The following CACNA1C variants were observed in gnomAD, a reference collection of about 807,000 sequenced individuals.
CACNA1C encodes calcium voltage-gated channel subunit alpha1 C.
Under a neutral mutation model 229.0 loss-of-function variants are expected in CACNA1C, and 30 were observed. The observed-to-expected ratio is 0.13, with a 90% CI of 0.10 to 0.18. The LOEUF (loss-of-function observed/expected upper bound fraction) is 0.18. Ranked by LOEUF, CACNA1C falls within the 10% of genes least tolerant of loss-of-function variation. The probability of loss-of-function intolerance (pLI) is 1.00; values close to 1 mark genes in which losing one functional copy is unlikely to be tolerated. For synonymous variants in CACNA1C, 1,114 were observed against 1,132.5 expected (o/e 0.98, Z 0.33); for missense variants, 1,658 against 2,845.0 (o/e 0.58, Z 9.49).
chr12:2,384,901 A>G (rs993032141), intron 3 of CACNA1C, among the ~76,000 whole-genome samples: 1 of 152,234 alleles, frequency 6.6e-6, no homozygotes, highest in African/African-American at 2.4e-5. Flanking sequence ...GTAGTTATCC[A>G]GAAGGTACGT....
chr12:2,238,759 C>T (rs529921476), intron 3 of CACNA1C, among the ~76,000 whole-genome samples: 1 of 152,172 alleles, frequency 6.6e-6, no homozygotes, highest in African/African-American at 2.4e-5. Context: ...GAGGGCTGAA[C>T]TTGCAGGAAG....
At chr12:2,052,809 C>G (rs1411661252), upstream of CACNA1C, among the ~76,000 whole-genome samples, 5 of 144,864 alleles carry the variant, frequency 3.5e-5, no homozygotes, top group Non-Finnish European at 6.1e-5. Flanking sequence ...AGTCCGCCGC[C>G]GTGCGCCCCG....
At chr12:2,659,796 C>A (rs531312670) in intron 34 of CACNA1C, 12 of 150,484 alleles carry the variant, frequency 8.0e-5, no homozygotes, top group Middle Eastern at 3.4e-3. Context: ...ACCATCAAAT[C>A]CAATTTTTTT....
chr12:2,457,633 G>C lies in CACNA1C; in HGVS notation c.684G>C (p.Gly228=). ...GGGCAAACGCTCTCGGAGGGAAAGGGGCCGGATTTGATGTGAAGGCGCTGA... is the reference window on the plus strand; with the variant it reads ...GGGCAAACGCTCTCGGAGGGAAAGGCGCCGGATTTGATGTGAAGGCGCTGA... ...ADGANALGGK[G]AGFDVKALRA... is the part of the protein sequence containing the mutation. The change falls in exon 5 of 47, where the codon GGG becomes GGC. Residue 228 remains glycine, a synonymous_variant. Coordinates refer to ENST00000399655, the MANE Select transcript of CACNA1C (RefSeq NM_000719.7). The C allele has an allele frequency of 6.2e-7, 1 of 1,613,034 alleles. No individual in the cohort carries two copies. The highest frequency in any genetic ancestry group is 8.5e-7 in the Non-Finnish European group (1 of 1,179,538).
chr12:2,246,274 T>C (rs2073170629), intron 3 of CACNA1C, among the ~76,000 whole-genome samples: 1 of 152,200 alleles, frequency 6.6e-6, no homozygotes, highest in African/African-American at 2.4e-5. Context: ...ATGCAGATGC[T>C]GGAGACCTTG....
At chr12:2,416,228 C>T (rs2098896720) in intron 3 of CACNA1C, among the ~76,000 whole-genome samples, 1 of 152,236 alleles carries the variant, frequency 6.6e-6, no homozygotes, top group Non-Finnish European at 1.5e-5. Flanking sequence ...TCCGTGACAG[C>T]ACCCTTCCTT....
Position 2,277,772 on chromosome 12 carries a change from C to G in CACNA1C, c.477+157342C>G, listed in dbSNP as rs1179328534. Among the ~76,000 whole-genome samples the G allele has an allele frequency of 2.0e-5, 3 of 152,222 alleles. No homozygotes were observed. The East Asian group carries it at 5.8e-4, about 29-fold the overall frequency. On this transcript the variant is annotated intron_variant, in intron 3 of 46. Coordinates refer to ENST00000399655, the MANE Select transcript of CACNA1C (RefSeq NM_000719.7). ...GGCTCCTGTCCTCCCCATCTCCCTC[C>G]CACCATAACCGCTCACCAAAAATTG...
At chr12:2,035,204 C>T (rs961519502) in intron 1 of CACNA1C, among the ~76,000 whole-genome samples, 5 of 152,246 alleles carry the variant, frequency 3.3e-5, no homozygotes, top group East Asian at 1.9e-4. Context: ...CCTGCTGCTC[C>T]AGAACTGCCA....
chr12:2,026,907 T>C (rs1349912843), intron 1 of CACNA1C, among the ~76,000 whole-genome samples: 2 of 152,224 alleles, frequency 1.3e-5, no homozygotes, highest in East Asian at 3.8e-4. Context: ...AAAATCAAAA[T>C]GTGTACCCTG....
intron 1 of CACNA1C, among the ~76,000 whole-genome samples, chr12:2,045,784 G>T (rs2050941746): frequency 6.6e-6 from 1 of 152,044 alleles, no homozygotes; most frequent in South Asian, 2.1e-4. Flanking sequence ...CGCTCAGAAT[G>T]TAAGTCCATG....
At chr12:2,518,651 C>T (rs1006272478) in intron 9 of CACNA1C, among the ~76,000 whole-genome samples, 1 of 152,004 alleles carries the variant, frequency 6.6e-6, no homozygotes, top group African/African-American at 2.4e-5. Context: ...TTATCTAGAT[C>T]TCTCGATACC....
intron 1 of CACNA1C, among the ~76,000 whole-genome samples, chr12:1,995,226 C>A (rs979128606): frequency 1.1e-4 from 17 of 151,934 alleles, no homozygotes; most frequent in African/African-American, 3.9e-4. Context: ...TAAAAAAAAA[C>A]CCTACTAAAA....
chr12:2,007,543 G>A (rs2043679437), intron 1 of CACNA1C, among the ~76,000 whole-genome samples: 1 of 152,190 alleles, frequency 6.6e-6, no homozygotes, highest in African/African-American at 2.4e-5. Context: ...ACATGGTCAT[G>A]TCTTCTCCAG....
chr12:2,431,922 T>G (rs773348279), intron 3 of CACNA1C, among the ~76,000 whole-genome samples: 18 of 152,098 alleles, frequency 1.2e-4, no homozygotes, highest in Non-Finnish European at 2.4e-4. Context: ...AAATTCATAT[T>G]CATCTGGGAG....
intron 5 of CACNA1C, among the ~76,000 whole-genome samples, chr12:2,469,174 A>G (rs990787709): frequency 9.8e-5 from 15 of 152,322 alleles, no homozygotes; most frequent in African/African-American, 3.4e-4. Flanking sequence ...ATACATATAT[A>G]CAAACATTAG....
intron 29 of CACNA1C, 128 bp downstream of exon 29, chr12:2,612,141 C>A: frequency 1.5e-6 from 1 of 648,792 alleles, no homozygotes; most frequent in East Asian, 2.8e-5. Context: ...ACCATCCCTG[C>A]TCCGATGGTC....
chr12:2,325,415 C>T (rs2096247752), intron 3 of CACNA1C, among the ~76,000 whole-genome samples: 1 of 152,226 alleles, frequency 6.6e-6, no homozygotes, highest in African/African-American at 2.4e-5. Flanking sequence ...GGAACCAATC[C>T]TAAGAAGTAA....
At chr12:2,204,581 G>A (rs1026931209) in intron 3 of CACNA1C, among the ~76,000 whole-genome samples, 2 of 151,236 alleles carry the variant, frequency 1.3e-5, no homozygotes, top group Non-Finnish European at 2.9e-5. Flanking sequence ...AAGAAAATGT[G>A]GCACATATAC....
intron 3 of CACNA1C, among the ~76,000 whole-genome samples, chr12:2,399,130 G>A (rs61907807): frequency 0.098 from 14,856 of 152,202 alleles, 815 homozygotes; most frequent in Middle Eastern, 0.16. Context: ...GTGGGTGCAG[G>A]AGGCAGGGCA....
Sources: gnomAD v4.1 joint callset for allele counts (sites outside exome capture counted in the v4.1 genomes callset) on GRCh38, gnomAD v4.1.1 for gene constraint, MANE v1.5 for transcripts, NCBI Gene and HGNC (gene_info 2026-07-23, HGNC 2026-07-21) for gene names.